FGD4: variants seen among roughly 807,000 people sequenced by gnomAD.
FGD4 encodes FYVE, RhoGEF and PH domain-containing protein 4.
FGD4 carries 42 observed loss-of-function variants against 102.0 expected under a neutral mutation model. That is an observed-to-expected ratio of 0.41 (90% CI 0.32 to 0.53). The LOEUF is 0.53. Ranked by LOEUF, FGD4 falls within the 20% of genes least tolerant of loss-of-function variation. The probability of loss-of-function intolerance (pLI) is 0.21; values close to 1 mark genes in which losing one functional copy is unlikely to be tolerated. For synonymous variants in FGD4, 380 were observed against 375.7 expected (o/e 1.01, Z -0.13); for missense variants, 902 against 1,078.2 (o/e 0.84, Z 2.29).
intron 1 of FGD4, among the ~76,000 whole-genome samples, chr12:32,497,477 T>C (rs1158788604): frequency 6.6e-6 from 1 of 152,208 alleles, no homozygotes; most frequent in East Asian, 1.9e-4. Context: ...TCTTTATAGA[T>C]ACTGTATTTT....
intron 7 of FGD4, among the ~76,000 whole-genome samples, chr12:32,604,826 A>G (rs1376772148): frequency 7.9e-5 from 12 of 152,180 alleles, no homozygotes; most frequent in Admixed American, 5.2e-4. Context: ...GTTCTTACCC[A>G]AAGTTCAACA....
chr12:32,584,361 G>C (rs187846962), intron 4 of FGD4, among the ~76,000 whole-genome samples: 2 of 152,264 alleles, frequency 1.3e-5, no homozygotes, highest in East Asian at 3.9e-4. Context: ...GTAGTGTTAA[G>C]ATGGTAAATC....
intron 4 of FGD4, among the ~76,000 whole-genome samples, chr12:32,585,512 CATAAT>C (rs1451513106): frequency 6.6e-6 from 1 of 151,636 alleles, no homozygotes; most frequent in Non-Finnish European, 1.5e-5. Context: ...CACAAATTGA[CATAAT>C]ATGATACAGT....
intron 6 of FGD4, 105 bp downstream of exon 6, chr12:32,601,528 A>G (rs1400246431): frequency 7.3e-7 from 1 of 1,366,366 alleles, no homozygotes; most frequent in Non-Finnish European, 9.8e-7. Flanking sequence ...CTAGACATTT[A>G]TGCTAAATTT....
intron 5 of FGD4, among the ~76,000 whole-genome samples, chr12:32,599,494 C>CAAAAAAAAAAAAAAAAAAAAAA (rs777429838): frequency 6.6e-4 from 13 of 19,686 alleles, no homozygotes; most frequent in Non-Finnish European, 9.7e-4. Flanking sequence ...GACTCCGTCT[C>CAAAAAAAAAAAAAAAAAAAAAA]AAAAAAAAAA....
intron 1 of FGD4, among the ~76,000 whole-genome samples, chr12:32,499,622 A>G (rs1219467946): frequency 3.3e-5 from 5 of 152,262 alleles, no homozygotes; most frequent in Non-Finnish European, 1.5e-5. Flanking sequence ...TTATAAAGTT[A>G]TAATTTGGAA....
At chr12:32,415,337 T>G (rs1191951253) in intron 1 of FGD4, among the ~76,000 whole-genome samples, 1 of 152,146 alleles carries the variant, frequency 6.6e-6, no homozygotes, top group African/African-American at 2.4e-5. Context: ...TTGTTTATTT[T>G]CTGTCTAGAA....
intron 1 of FGD4, among the ~76,000 whole-genome samples, chr12:32,561,166 C>A (rs192114349): frequency 7.8e-4 from 111 of 142,806 alleles, no homozygotes; most frequent in African/African-American, 2.8e-3. Flanking sequence ...CTCACTGCAA[C>A]CTCCCCCCAT....
At chr12:32,486,045 T>G in intron 1 of FGD4, 1 of 1,492,302 alleles carries the variant, frequency 6.7e-7, no homozygotes, top group Non-Finnish European at 8.9e-7. Context: ...CTATAGTTTC[T>G]ACCAACAAAT....
At chr12:32,424,356 G>A (rs185781216) in intron 1 of FGD4, among the ~76,000 whole-genome samples, 4 of 152,234 alleles carry the variant, frequency 2.6e-5, no homozygotes, top group African/African-American at 9.6e-5. Flanking sequence ...TGCTGAAGAC[G>A]ATTGTTTCTA....
In FGD4 at chr12:32,625,049, A is replaced by G; in HGVS notation, c.2027A>G (p.Asp676Gly). 1 of 1,612,934 alleles carries G rather than the reference A, an allele frequency of 6.2e-7. No homozygotes were observed. The highest frequency in any genetic ancestry group is 8.5e-7 in the Non-Finnish European group (1 of 1,179,290). The change falls in exon 13 of 17, where the codon GAC becomes GGC. Residue 676 changes from aspartate to glycine, a missense_variant. Physicochemically the swap from Asp to Gly is moderately conservative, Grantham distance 94. Around this residue, in one of 2 missense-constraint regions of FGD4, gnomAD observed 459 missense variants for 619.0 expected, o/e 0.74. Transcript: ENST00000534526. ...AGAAATGCAATTGCAAAGGATAATG[A>G]CATTCACTCAGAGGTTTCTGTGAGT... ...TFRNAIAKDN[D>G]IHSEVSTAEL...
intron 1 of FGD4, among the ~76,000 whole-genome samples, chr12:32,475,340 G>A (rs1289420521): frequency 6.6e-6 from 1 of 152,110 alleles, no homozygotes; most frequent in South Asian, 2.1e-4. Flanking sequence ...TGTCTTAGGG[G>A]TTCACAACAT....
chr12:32,536,069 GTTATT>G (rs1310633394), intron 1 of FGD4, among the ~76,000 whole-genome samples: 1 of 150,854 alleles, frequency 6.6e-6, no homozygotes, highest in Non-Finnish European at 1.5e-5. Context: ...TAGTGCACAT[GTTATT>G]TTATAACAGT....
At chr12:32,399,997 C>T (rs1417292925) in intron 1 of FGD4, 38 bp downstream of exon 1, 4 of 1,424,266 alleles carry the variant, frequency 2.8e-6, no homozygotes, top group Non-Finnish European at 3.6e-6. Context: ...GTGGCCCCGG[C>T]GCGTAGGTGC....
At chr12:32,518,434 C>G (rs1256683446) in intron 1 of FGD4, among the ~76,000 whole-genome samples, 1 of 152,084 alleles carries the variant, frequency 6.6e-6, no homozygotes, top group African/African-American at 2.4e-5. Context: ...GCCAACATAG[C>G]GCCATTTCAC....
At chr12:32,529,562 C>T (rs1365109497) in intron 1 of FGD4, among the ~76,000 whole-genome samples, 6 of 151,490 alleles carry the variant, frequency 4.0e-5, no homozygotes, top group South Asian at 2.1e-4. Flanking sequence ...CTGACATTGC[C>T]GGCCGGGCAC....
At chr12:32,464,619 T>G (rs1943201750) in intron 1 of FGD4, among the ~76,000 whole-genome samples, 1 of 152,226 alleles carries the variant, frequency 6.6e-6, no homozygotes. Flanking sequence ...ATTGAGAGCT[T>G]CTATGTACTA....
intron 1 of FGD4, among the ~76,000 whole-genome samples, chr12:32,508,517 C>T (rs1301980545): frequency 1.3e-5 from 2 of 152,106 alleles, no homozygotes; most frequent in African/African-American, 4.8e-5. Flanking sequence ...ATTCTAAAGC[C>T]AGCACAGAAA....
intron 1 of FGD4, among the ~76,000 whole-genome samples, chr12:32,445,780 C>CTG (rs1344049684): frequency 2.6e-5 from 4 of 152,172 alleles, no homozygotes; most frequent in Non-Finnish European, 5.9e-5. Flanking sequence ...TTCAAAATAA[C>CTG]TGTAAGGACC....
Sources: gnomAD v4.1 joint callset for allele counts (sites outside exome capture counted in the v4.1 genomes callset) on GRCh38, gnomAD v4.1.1 for gene constraint, gnomAD v4.1.1 regional missense constraint, MANE v1.5 for transcripts, NCBI Gene and HGNC (gene_info 2026-07-23, HGNC 2026-07-21) for gene names.